F12: variants seen among roughly 807,000 people sequenced by gnomAD.
The protein encoded by F12 is coagulation factor XII, also known as Hageman factor.
In F12, 70 loss-of-function variants were observed where a neutral mutation model predicts 74.8. The ratio of observed to expected loss-of-function variants is 0.94; its 90% CI spans 0.77 to 1.14. The LOEUF (loss-of-function observed/expected upper bound fraction) is 1.14. Among genes scored for constraint, F12 ranks in the 50% most tolerant of loss-of-function variants. The probability of loss-of-function intolerance (pLI) is 0.00; values close to 1 mark genes in which losing one functional copy is unlikely to be tolerated. For missense variants in F12, 811 were observed against 835.7 expected (o/e 0.97, Z 0.36); for synonymous variants, 373 against 356.4 (o/e 1.05, Z -0.52).
intron 2 of F12, among the ~76,000 whole-genome samples, chr5:177,406,264 A>G (rs545216183): frequency 1.1e-4 from 17 of 152,276 alleles, no homozygotes; most frequent in South Asian, 2.1e-4. Flanking sequence ...CAAGGCGGGC[A>G]GATCACGAGG....
Position 177,403,389 on chromosome 5 carries a change from G to A in F12, c.1396C>T (p.Arg466Cys), listed in dbSNP as rs758228282. ...CTGCCGTCCGCATCCTCCTGAAGGCGCAACAGAGCTAACCCGGGCGGAGAG... is the reference window on the plus strand; with the variant it reads ...CTGCCGTCCGCATCCTCCTGAAGGCACAACAGAGCTAACCCGGGCGGAGAG... ...VSYQHDLALLRLQEDADGSCA... is the reference protein window; with the variant it reads ...VSYQHDLALLCLQEDADGSCA... Residue 466 changes from arginine to cysteine, a missense_variant, in exon 12 of 14, where the codon CGC becomes TGC. Transcript: ENST00000253496. 1 of 1,596,698 alleles carries A rather than the reference G, an allele frequency of 6.3e-7. No homozygotes were observed. The highest frequency in any genetic ancestry group is 2.2e-5 in the East Asian group (1 of 44,722).
intron 2 of F12, among the ~76,000 whole-genome samples, chr5:177,407,761 G>A (rs780803502): frequency 6.6e-6 from 1 of 151,172 alleles, no homozygotes; most frequent in Non-Finnish European, 1.5e-5. Context: ...CTCTAGCCTA[G>A]GGGACAGAGC....
intron 2 of F12, among the ~76,000 whole-genome samples, chr5:177,408,275 C>T (rs1479564017): frequency 6.6e-6 from 1 of 151,726 alleles, no homozygotes; most frequent in Non-Finnish European, 1.5e-5. Context: ...AGGCTGGTCT[C>T]GAACTCCTGA....
At position 177,404,009 on chromosome 5, in the gene F12, A is replaced by G. The variant is rs1561640720; in HGVS notation, c.1100T>C (p.Leu367Pro). 6.2e-7 allele frequency: 1 copy of G among 1,602,508 alleles called. No homozygotes were observed. Among genetic ancestry groups the G allele is most frequent in the Non-Finnish European group, 8.5e-7 (1 of 1,179,680 alleles). The change falls in exon 10 of 14, where the codon CTG becomes CCG. Residue 367 changes from leucine (L) to proline (P), a missense_variant. Physicochemically the swap from Leu to Pro is moderately conservative, Grantham distance 98. Coordinates refer to ENST00000253496, the MANE Select transcript of F12 (RefSeq NM_000505.4). ...GCCAACGACGCGGGTCATCGAAGACAGACTCTTGCGGAGCCGCTGCCCGCA... is the reference window on the plus strand; with the variant it reads ...GCCAACGACGCGGGTCATCGAAGACGGACTCTTGCGGAGCCGCTGCCCGCA... Reference protein sequence around the residue: ...LSCGQRLRKSLSSMTRVVGGL... With the variant: ...LSCGQRLRKSPSSMTRVVGGL...
chr5:177,404,185 C>A lies in F12; in HGVS notation c.1018+11G>T, dbSNP rs570973405. ...CCTCTCGGCTCCTCCTTCCCCCCCC[C>A]ACTTCCTAACCTCCCGGGGTCTGGG... On this transcript the variant is annotated intron_variant, in intron 9 of 13. Coordinates refer to ENST00000253496, the MANE Select transcript of F12 (RefSeq NM_000505.4). 206 of 1,583,676 alleles carry A rather than the reference C, an allele frequency of 1.3e-4. No individual in the cohort carries two copies. In the Admixed American group the frequency reaches 1.4e-3, roughly 11 times the overall value.
chr5:177,408,320 C>G (rs1351981534), intron 2 of F12, among the ~76,000 whole-genome samples: 1 of 152,142 alleles, frequency 6.6e-6, no homozygotes, highest in African/African-American at 2.4e-5. Flanking sequence ...TCCCAAAGTG[C>G]TGGGATTACA....
intron 2 of F12, among the ~76,000 whole-genome samples, chr5:177,406,880 G>T (rs41309138): frequency 1.8e-4 from 28 of 152,214 alleles, no homozygotes; most frequent in Non-Finnish European, 3.2e-4. Flanking sequence ...TCAACAAGGC[G>T]TCACGCTGCT....
At position 177,403,581 on chromosome 5, in the gene F12, C is replaced by A. The variant is rs1207550445; in HGVS notation, c.1287G>T (p.Gln429His). The change falls in exon 11 of 14, where the codon CAG becomes CAT. Residue 429 changes from glutamine (Q) to histidine (H), a missense_variant. Coordinates refer to ENST00000253496, the MANE Select transcript of F12 (RefSeq NM_000505.4). Reference sequence around the variant, plus strand: ...GCTCACAGCTGTGGTTACGGCGTTCCTGGCCGAGCACCACCGTCAGATCCT... The same window carrying A: ...GCTCACAGCTGTGGTTACGGCGTTCATGGCCGAGCACCACCGTCAGATCCT... ...APEDLTVVLGQERRNHSCEPC... is the reference protein window; with the variant it reads ...APEDLTVVLGHERRNHSCEPC... 1.2e-6 allele frequency: 2 copies of A among 1,605,588 alleles called. No homozygotes were observed. The highest frequency in any genetic ancestry group is 1.7e-6 in the Non-Finnish European group (2 of 1,178,884).
intron 1 of F12, 59 bp downstream of exon 1, chr5:177,409,412 G>A (rs1372833561): frequency 6.3e-7 from 1 of 1,581,996 alleles, no homozygotes; most frequent in Non-Finnish European, 8.7e-7. Context: ...ATGGCTCATG[G>A]CTGTGATAGC....
chr5:177,405,817 G>C lies in F12; in HGVS notation c.216-12C>G, dbSNP rs745420062. 1.2e-6 allele frequency: 2 copies of C among 1,614,118 alleles called. No individual in the cohort carries two copies. The highest frequency in any genetic ancestry group is 2.2e-5 in the South Asian group (2 of 91,082). ...GGGTGGTAGCACACCTGTAGAAAGA[G>C]ACAAGGCTTCCCTGCTCTACCCAGG... is the stretch of plus-strand genomic sequence containing the variant. On this transcript the variant is annotated splice_polypyrimidine_tract_variant and intron_variant, in intron 3 of 13. Coordinates refer to ENST00000253496, the MANE Select transcript of F12 (RefSeq NM_000505.4).
Position 177,405,198 on chromosome 5 carries a change from A to G in F12, c.398-13T>C, listed in dbSNP as rs747431497. On this transcript the variant is annotated splice_polypyrimidine_tract_variant and intron_variant, in intron 5 of 13. Coordinates refer to ENST00000253496, the MANE Select transcript of F12 (RefSeq NM_000505.4). Reference sequence around the variant, plus strand: ...TCAAAGCACTTCTCTGGGGACAAAGAGGGATAGTGGTCTCAGGAGAGTCTA... The same window carrying G: ...TCAAAGCACTTCTCTGGGGACAAAGGGGGATAGTGGTCTCAGGAGAGTCTA... The G allele has an allele frequency of 1.7e-5, 28 of 1,613,838 alleles. No individual in the cohort carries two copies. In the South Asian group the frequency reaches 2.6e-4, roughly 15 times the overall value.
chr5:177,403,761 G>A, intron 10 of F12, 98 bp downstream of exon 10: 1 of 1,457,742 alleles, frequency 6.9e-7, no homozygotes, highest in Non-Finnish European at 9.1e-7. Flanking sequence ...GGTGGGGCGG[G>A]AGAAGGTAGG....
intron 1 of F12, among the ~76,000 whole-genome samples, 157 bp downstream of exon 1, chr5:177,409,314 G>C (rs1269914179): frequency 6.6e-6 from 1 of 152,072 alleles, no homozygotes; most frequent in East Asian, 1.9e-4. Flanking sequence ...CTGGTTGTCT[G>C]TCTCCTCTGC....
At chr5:177,403,169 C>G in intron 12 of F12, 85 bp downstream of exon 12, 1 of 1,571,060 alleles carries the variant, frequency 6.4e-7, no homozygotes, top group Non-Finnish European at 8.6e-7. Context: ...GCACCCGGAA[C>G]GATACCAAAG....
Position 177,406,017 on chromosome 5 carries a change from G to A in F12, c.160C>T (p.His54Tyr), listed in dbSNP as rs760763660. The A allele has an allele frequency of 1.9e-6, 3 of 1,614,102 alleles. No individual in the cohort carries two copies. Among genetic ancestry groups the A allele is most frequent in the Admixed American group, 3.3e-5 (2 of 60,026 alleles). ...GEPCHFPFQY[H>Y]RQLYHKCTHK... ...GTACATTTGTGGTACAGCTGCCGGT[G>A]GTACTGGAAGGGGAAGTGGCAGGGC... Residue 54 changes from histidine to tyrosine, a missense_variant, in exon 3 of 14, where the codon CAC becomes TAC. Coordinates refer to ENST00000253496, the MANE Select transcript of F12 (RefSeq NM_000505.4).
rs774305487 is a variant in F12 at position 177,403,622 on chromosome 5, G to C, written c.1251-5C>G. The C allele has an allele frequency of 3.8e-6, 6 of 1,594,652 alleles. No individual in the cohort carries two copies. The highest frequency in any genetic ancestry group is 2.2e-5 in the South Asian group (2 of 89,984). Reference sequence around the variant, plus strand: ...GTCAGATCCTCGGGTGCGGGCCTGCGGGGGGGGTAGGGGAGAGGCAGCGCT... The same window carrying C: ...GTCAGATCCTCGGGTGCGGGCCTGCCGGGGGGGTAGGGGAGAGGCAGCGCT... On this transcript the variant is annotated splice_polypyrimidine_tract_variant and splice_region_variant and intron_variant, in intron 10 of 13. Transcript: ENST00000253496.
At position 177,404,047 on chromosome 5, in the gene F12, G is replaced by A. The variant is rs1462204568; in HGVS notation, c.1062C>T (p.Asn354=). ...KREQPPSLTR[N]GPLSCGQRLR... is the part of the protein sequence containing the mutation. Reference sequence around the variant, plus strand: ...GCCGCTGCCCGCAGCTCAGTGGGCCGTTCCTGGTCAGGGAAGGCGGCTGCT... The same window carrying A: ...GCCGCTGCCCGCAGCTCAGTGGGCCATTCCTGGTCAGGGAAGGCGGCTGCT... Residue 354 remains asparagine, a synonymous_variant, in exon 10 of 14, where the codon AAC becomes AAT. Coordinates refer to ENST00000253496, the MANE Select transcript of F12 (RefSeq NM_000505.4). 4.4e-6 allele frequency: 7 copies of A among 1,602,586 alleles called. No individual in the cohort carries two copies. In the African/African-American group the frequency reaches 8.0e-5, roughly 18 times the overall value.
chr5:177,403,116 C>A, intron 12 of F12, 138 bp downstream of exon 12: 1 of 1,114,078 alleles, frequency 9.0e-7, no homozygotes, highest in Non-Finnish European at 1.3e-6. Context: ...GATTCACCTA[C>A]ACATTCTCAC....
intron 2 of F12, among the ~76,000 whole-genome samples, chr5:177,406,658 T>TGG (rs1763304370): frequency 6.6e-6 from 1 of 152,242 alleles, no homozygotes; most frequent in South Asian, 2.1e-4. Context: ...GAAGTCACTG[T>TGG]TAACCACTCT....
Sources: allele counts gnomAD v4.1 joint callset (sites outside exome capture counted in the v4.1 genomes callset), GRCh38; gene constraint gnomAD v4.1.1; transcripts MANE v1.5; gene names NCBI Gene and HGNC (gene_info 2026-07-23, HGNC 2026-07-21).